The following MCCC2 variants were observed in gnomAD, a reference collection of about 807,000 sequenced individuals.
MCCC2 encodes methylcrotonyl-CoA carboxylase subunit 2.
A neutral mutation model predicts 77.2 loss-of-function variants in MCCC2; 52 were observed. The observed-to-expected ratio is 0.67, with a 90% CI of 0.54 to 0.85. MCCC2 has a LOEUF of 0.85. Among genes scored for constraint, MCCC2 ranks in the 40% least tolerant of loss-of-function variants. The pLI, the probability that MCCC2 is intolerant of heterozygous loss-of-function variation, is 0.00. For missense variants in MCCC2, 682 were observed against 703.2 expected, an observed-to-expected ratio of 0.97 and a Z score of 0.34; for synonymous variants, 253 against 248.4, an observed-to-expected ratio of 1.02 and a Z score of -0.18.
At chr5:71,655,322 C>G (rs1417166712) in intron 16 of MCCC2, among the ~76,000 whole-genome samples, 1 of 152,194 alleles carries the variant, frequency 6.6e-6, no homozygotes, top group Non-Finnish European at 1.5e-5. Context: ...TTTTCAGAGA[C>G]AGAGCTTGTT....
intron 16 of MCCC2, among the ~76,000 whole-genome samples, chr5:71,654,034 G>A (rs1747515775): frequency 6.6e-6 from 1 of 152,152 alleles, no homozygotes; most frequent in African/African-American, 2.4e-5. Flanking sequence ...GTCTCACTCT[G>A]TTGCCCAGTT....
chr5:71,603,557 A>G (rs1745539214), intron 5 of MCCC2, among the ~76,000 whole-genome samples: 1 of 151,960 alleles, frequency 6.6e-6, no homozygotes, highest in African/African-American at 2.4e-5. Context: ...TTTTCTGTGA[A>G]GTTGAATTTA....
intron 10 of MCCC2, among the ~76,000 whole-genome samples, chr5:71,637,736 T>C (rs866927355): frequency 6.6e-6 from 1 of 152,164 alleles, no homozygotes; most frequent in Non-Finnish European, 1.5e-5. Context: ...TTGTTTTTTT[T>C]CAGACTGAGT....
At chr5:71,593,055 C>T in intron 2 of MCCC2, 63 bp downstream of exon 2, 1 of 1,325,138 alleles carries the variant, frequency 7.5e-7, no homozygotes. Flanking sequence ...ATAGTTATTG[C>T]TTTTAGGAAA....
chr5:71,634,937 C>G lies in MCCC2; in HGVS notation c.804-6C>G. 5 of 1,613,272 alleles carry G rather than the reference C, an allele frequency of 3.1e-6. No individual in the cohort carries two copies. Among genetic ancestry groups the G allele is most frequent in the Non-Finnish European group, 4.2e-6 (5 of 1,179,410 alleles). On this transcript the variant is annotated splice_region_variant and splice_polypyrimidine_tract_variant and intron_variant, in intron 8 of 16. Transcript: ENST00000340941. Reference sequence around the variant, plus strand: ...TTCTGACAAGTTTAGTTTGCTTATTCTGTAGAAAGTCTGGAGTAAGTGACC... The same window carrying G: ...TTCTGACAAGTTTAGTTTGCTTATTGTGTAGAAAGTCTGGAGTAAGTGACC...
chr5:71,619,874 C>A (rs1561835641), intron 6 of MCCC2, among the ~76,000 whole-genome samples: 1 of 151,858 alleles, frequency 6.6e-6, no homozygotes, highest in Non-Finnish European at 1.5e-5. Flanking sequence ...GCCTGTAGTC[C>A]CAGCTACTCG....
chr5:71,625,666 A>G (rs1746508106), intron 6 of MCCC2, among the ~76,000 whole-genome samples: 1 of 152,246 alleles, frequency 6.6e-6, no homozygotes, highest in Non-Finnish European at 1.5e-5. Context: ...CACTTCTGTA[A>G]TATGTTGACA....
At chr5:71,647,727 A>C (rs1747309070) in intron 13 of MCCC2, among the ~76,000 whole-genome samples, 1 of 152,188 alleles carries the variant, frequency 6.6e-6, no homozygotes, top group African/African-American at 2.4e-5. Context: ...AGCTGTGGGA[A>C]TAGATAAGAA....
At position 71,603,394 on chromosome 5, in the gene MCCC2, C is replaced by T. The variant is rs189560925; in HGVS notation, c.511+761C>T. On this transcript the variant is annotated intron_variant, in intron 5 of 16. Transcript: ENST00000340941. ...TCGTGCCACTGTACTCCAGCCTGGG[C>T]GACAGAGAGAGAGACTGTCTCAAAA... is the stretch of plus-strand genomic sequence containing the variant. Among the ~76,000 whole-genome samples, 461 of 110,016 alleles carry T rather than the reference C, an allele frequency of 4.2e-3. 2 individuals carry two copies. The highest frequency in any genetic ancestry group is 5.3e-3 in the Non-Finnish European group (319 of 59,642). 72.2% of individuals were successfully genotyped at this position (110,016 alleles called of 152,430 possible).
intron 10 of MCCC2, chr5:71,636,042 A>C (rs1285872369): frequency 2.8e-6 from 1 of 354,340 alleles, no homozygotes; most frequent in Non-Finnish European, 5.6e-6. Flanking sequence ...GATAGTCTAT[A>C]CGTATATTTT....
At chr5:71,599,852 C>A (rs574888505) in intron 4 of MCCC2, 92 bp downstream of exon 4, 11 of 985,338 alleles carry the variant, frequency 1.1e-5, no homozygotes, top group African/African-American at 6.4e-5. Context: ...TATTAGCATG[C>A]GATTTGTATG....
At position 71,643,825 on chromosome 5, in the gene MCCC2, C is replaced by G. The variant is rs1747197501; in HGVS notation, c.1079C>G (p.Ala360Gly). 1 of 1,613,906 alleles carries G rather than the reference C, an allele frequency of 6.2e-7. No homozygotes were observed. Among genetic ancestry groups the G allele is most frequent in the African/African-American group, 1.3e-5 (1 of 74,898 alleles). ...FYGDTLVTGF[A>G]RIFGYPVGIV... ...CTTTGAACTTTCTTTTGAGGATTTG[C>G]TCGAATATTTGGGTACCCAGTAGGT... is the stretch of plus-strand genomic sequence containing the variant. Residue 360 changes from alanine (A) to glycine (G), a missense_variant, in exon 12 of 17, where the codon GCT becomes GGT. Physicochemically the swap from Ala to Gly is moderately conservative, Grantham distance 60. Coordinates refer to ENST00000340941, the MANE Select transcript of MCCC2 (RefSeq NM_022132.5).
intron 10 of MCCC2, among the ~76,000 whole-genome samples, chr5:71,637,554 G>A (rs1746972957): frequency 6.6e-6 from 1 of 152,174 alleles, no homozygotes; most frequent in Non-Finnish European, 1.5e-5. Flanking sequence ...TTGCCTTGAT[G>A]CTAATGACAG....
chr5:71,650,195 T>A lies in MCCC2; in HGVS notation c.1488+12T>A. ...GGGAAGGAAAGCAGGTCGGTGTCGT[T>A]TTCTCTTGTTTCTCTCTGGTTTTGC... On this transcript the variant is annotated intron_variant, in intron 15 of 16. Coordinates refer to ENST00000340941, the MANE Select transcript of MCCC2 (RefSeq NM_022132.5). 6 of 1,602,764 alleles carry A rather than the reference T, an allele frequency of 3.7e-6. No individual in the cohort carries two copies. The highest frequency in any genetic ancestry group is 5.1e-6 in the Non-Finnish European group (6 of 1,171,622).
intron 10 of MCCC2, chr5:71,635,841 T>C (rs1350761530): frequency 1.2e-5 from 2 of 164,732 alleles, no homozygotes; most frequent in African/African-American, 4.8e-5. Context: ...TCAAATTCTG[T>C]ACTGGAAGTT....
At position 71,590,096 on chromosome 5, in the gene MCCC2, C is replaced by A. The variant is rs112509185; in HGVS notation, c.129+2542C>A. 5.4e-3 allele frequency among the ~76,000 whole-genome samples: 788 copies of A among 146,174 alleles called. 7 individuals are homozygous for A. Among genetic ancestry groups the A allele is most frequent in the African/African-American group, 0.018 (735 of 40,138 alleles). ...ATTACTAGGTTGTAGAATGTTGTTT[C>A]GCAGGTGATTAAAACACACACACAC... is the stretch of plus-strand genomic sequence containing the variant. On this transcript the variant is annotated intron_variant, in intron 1 of 16. Coordinates refer to ENST00000340941, the MANE Select transcript of MCCC2 (RefSeq NM_022132.5).
intron 8 of MCCC2, among the ~76,000 whole-genome samples, chr5:71,633,104 TATATATATATATATA>T (rs1746781263): frequency 4.8e-5 from 1 of 20,918 alleles, no homozygotes; most frequent in Non-Finnish European, 1.1e-4. Context: ...TATATATATA[TATATATATATATATA>T]TATATATATA....
At chr5:71,612,443 C>T (rs143676353) in intron 6 of MCCC2, among the ~76,000 whole-genome samples, 76 of 152,280 alleles carry the variant, frequency 5.0e-4, no homozygotes, top group East Asian at 3.3e-3. Context: ...ATAGAAACTT[C>T]GGCTTTGCTT....
intron 12 of MCCC2, among the ~76,000 whole-genome samples, chr5:71,645,666 A>G (rs1182964624): frequency 1.3e-5 from 2 of 152,188 alleles, no homozygotes; most frequent in African/African-American, 2.4e-5. Context: ...GAGTTCAGCA[A>G]TTCTCATTCG....
Sources: allele counts gnomAD v4.1 joint callset (sites outside exome capture counted in the v4.1 genomes callset), GRCh38; gene constraint gnomAD v4.1.1; transcripts MANE v1.5; gene names NCBI Gene and HGNC (gene_info 2026-07-23, HGNC 2026-07-21).